Variants in FMN1 observed in about 807,000 individuals in gnomAD.
FMN1 encodes formin-1.
Under a neutral mutation model 132.4 loss-of-function variants are expected in FMN1, and 110 were observed. That is an observed-to-expected ratio of 0.83 (90% CI 0.71 to 0.97). The LOEUF is 0.97. Among genes scored for constraint, FMN1 ranks in the 50% least tolerant of loss-of-function variants. The pLI, the probability that FMN1 is intolerant of heterozygous loss-of-function variation, is 0.00. For synonymous variants in FMN1, 722 were observed against 651.7 expected, an observed-to-expected ratio of 1.11 and a Z score of -1.64; for missense variants, 1,792 against 1,705.3, an observed-to-expected ratio of 1.05 and a Z score of -0.90.
chr15:33,187,713 G>A (rs376793684), intron 2 of FMN1, among the ~76,000 whole-genome samples: 77 of 152,132 alleles, frequency 5.1e-4, no homozygotes, highest in Non-Finnish European at 6.9e-4. Flanking sequence ...TTCCCATGCC[G>A]TGGCACTGTC....
intron 19 of FMN1, among the ~76,000 whole-genome samples, chr15:32,785,210 ATATATATATT>A (rs2056825559): frequency 3.4e-5 from 1 of 29,720 alleles, no homozygotes; most frequent in African/African-American, 1.2e-4. Context: ...GTATATATAT[ATATATATATT>A]TTTTTTTTTT....
intron 7 of FMN1, among the ~76,000 whole-genome samples, chr15:32,977,129 T>G (rs150203225): frequency 6.6e-6 from 1 of 152,312 alleles, no homozygotes; most frequent in Non-Finnish European, 1.5e-5. Context: ...ACATTCCACC[T>G]CTTACAATGC....
At chr15:32,979,422 G>C (rs1391712014) in intron 7 of FMN1, among the ~76,000 whole-genome samples, 1 of 151,938 alleles carries the variant, frequency 6.6e-6, no homozygotes, top group Non-Finnish European at 1.5e-5. Flanking sequence ...CGGGCGTGGT[G>C]GTGGGTGCCT....
chr15:32,848,347 C>T lies in FMN1; in HGVS notation c.3928+8668G>A, dbSNP rs571148626. ...GTTCATGTGTGTGCACGTGTGTGTG[C>T]GTGCACACGTGTGTGTGTATTAGAC... is the stretch of plus-strand genomic sequence containing the variant. On this transcript the variant is annotated intron_variant, in intron 17 of 20. Coordinates refer to ENST00000616417, the MANE Select transcript of FMN1 (RefSeq NM_001277313.2). 9.4e-5 allele frequency among the ~76,000 whole-genome samples: 6 copies of T among 63,976 alleles called. No homozygotes were observed. The South Asian group carries it at 2.7e-3, about 29-fold the overall frequency. The allele number at this position is 63,976 out of a possible 152,430, so 42.0% of individuals were successfully genotyped here. A position where few individuals can be genotyped will look rare whatever the true frequency, so the allele number is the denominator to read the frequency against.
intron 15 of FMN1, among the ~76,000 whole-genome samples, chr15:32,897,023 C>T (rs1267759928): frequency 1.3e-5 from 2 of 152,152 alleles, no homozygotes; most frequent in Admixed American, 6.5e-5. Flanking sequence ...TTTTATATTC[C>T]CACTGATGGT....
chr15:33,054,447 T>A (rs1271263260), intron 6 of FMN1, among the ~76,000 whole-genome samples: 2 of 152,120 alleles, frequency 1.3e-5, no homozygotes, highest in Non-Finnish European at 2.9e-5. Context: ...TGGGTTTGGA[T>A]CAAGTAAAGG....
At chr15:32,972,223 G>A (rs1302622053) in intron 7 of FMN1, among the ~76,000 whole-genome samples, 3 of 152,142 alleles carry the variant, frequency 2.0e-5, no homozygotes, top group Non-Finnish European at 4.4e-5. Context: ...CCATTAGCTT[G>A]CTCTTGGCTC....
At chr15:33,161,657 G>A (rs554020578) in intron 3 of FMN1, among the ~76,000 whole-genome samples, 37 of 152,262 alleles carry the variant, frequency 2.4e-4, no homozygotes, top group Admixed American at 1.9e-3. Context: ...AGTGGCTCAC[G>A]CCTGTAATCC....
intron 17 of FMN1, among the ~76,000 whole-genome samples, chr15:32,818,854 A>C (rs1263234121): frequency 1.3e-5 from 2 of 151,866 alleles, no homozygotes; most frequent in African/African-American, 4.8e-5. Flanking sequence ...TGCAAACTGG[A>C]GAAGTGCCAC....
chr15:33,050,180 T>C (rs1183094632), intron 6 of FMN1, among the ~76,000 whole-genome samples: 1 of 152,348 alleles, frequency 6.6e-6, no homozygotes, highest in Admixed American at 6.5e-5. Flanking sequence ...AACGTGTATT[T>C]TGACTTACAA....
intron 8 of FMN1, among the ~76,000 whole-genome samples, chr15:32,966,906 C>T (rs2031290589): frequency 6.6e-6 from 1 of 152,142 alleles, no homozygotes; most frequent in South Asian, 2.1e-4. Flanking sequence ...CATTTAAAAG[C>T]AGTAGTGCTA....
rs532406066 is a variant in FMN1, at chr15:33,066,644, C to T, written c.2044-1570G>A. The T allele has an allele frequency of 3.6e-5, 58 of 1,613,868 alleles. No homozygotes were observed. The South Asian group carries it at 5.8e-4, about 16-fold the overall frequency. The stretch of plus-strand genomic sequence containing the variant: ...AGAGGTGTCAGCTGTGGTCCCCTTT[C>T]TGGGGGGCCGGATGAATAGGGCTTT... On this transcript the variant is annotated intron_variant, in intron 5 of 20. Transcript: ENST00000616417.
intron 4 of FMN1, among the ~76,000 whole-genome samples, chr15:33,102,153 T>C (rs1414983766): frequency 6.6e-6 from 1 of 152,214 alleles, no homozygotes; most frequent in Non-Finnish European, 1.5e-5. Context: ...ATTTTATGTG[T>C]ATCTGCTTTA....
chr15:33,138,216 C>G (rs1963854542), intron 4 of FMN1, among the ~76,000 whole-genome samples: 1 of 152,162 alleles, frequency 6.6e-6, no homozygotes, highest in East Asian at 1.9e-4. Flanking sequence ...AGGAAATGCT[C>G]TGTCAGCAGG....
chr15:32,971,450 CT>C (rs1403199982), intron 7 of FMN1, among the ~76,000 whole-genome samples: 1 of 152,204 alleles, frequency 6.6e-6, no homozygotes, highest in Admixed American at 6.5e-5. Context: ...TAATTTCGAG[CT>C]TCACTCAACT....
rs1457681874 is a variant in FMN1, at chr15:33,067,979, G to A, written c.2044-2905C>T. The A allele has an allele frequency of 2.7e-6, 4 of 1,487,878 alleles. No individual in the cohort carries two copies. The African/African-American group carries it at 5.6e-5, about 21-fold the overall frequency. 92.2% of individuals were successfully genotyped at this position (1,487,878 alleles called of 1,614,324 possible). On this transcript the variant is annotated intron_variant, in intron 5 of 20. Transcript: ENST00000616417. ...CCATCTGCTCTTAATTTACAGGACA[G>A]AGAGCAACAGGACCCGGGAGTCAGG...
chr15:33,066,429 G>C lies in FMN1; in HGVS notation c.2044-1355C>G, dbSNP rs2037728001. On this transcript the variant is annotated intron_variant, in intron 5 of 20. Coordinates refer to ENST00000616417, the MANE Select transcript of FMN1 (RefSeq NM_001277313.2). ...TAAAAGAATCACTAACAGGCAACTA[G>C]GATTCACTTTGGGAGGAAACCTGGA... The C allele has an allele frequency of 8.6e-6, 10 of 1,163,740 alleles. No homozygotes were observed. The Admixed American group carries it at 8.9e-5, about 10-fold the overall frequency. 72.1% of individuals were successfully genotyped at this position (1,163,740 alleles called of 1,614,324 possible).
intron 7 of FMN1, among the ~76,000 whole-genome samples, chr15:32,976,017 C>T (rs533483714): frequency 2.7e-4 from 41 of 152,260 alleles, no homozygotes; most frequent in African/African-American, 8.2e-4. Context: ...GGTGGAAAAG[C>T]GCCTACTGAT....
intron 3 of FMN1, among the ~76,000 whole-genome samples, chr15:33,169,232 T>C (rs1014545243): frequency 6.6e-6 from 1 of 152,162 alleles, no homozygotes; most frequent in African/African-American, 2.4e-5. Context: ...AAATATACAT[T>C]TATGAAACTA....
Sources: gnomAD v4.1 joint callset for allele counts (sites outside exome capture counted in the v4.1 genomes callset) on GRCh38, gnomAD v4.1.1 for gene constraint, MANE v1.5 for transcripts, NCBI Gene and HGNC (gene_info 2026-07-23, HGNC 2026-07-21) for gene names.